GALNTL6: variants seen among roughly 807,000 people sequenced by gnomAD.
GALNTL6 encodes polypeptide N-acetylgalactosaminyltransferase-like 6.
GALNTL6 carries 46 observed loss-of-function variants against 73.7 expected under a neutral mutation model. The ratio of observed to expected loss-of-function variants is 0.62; its 90% CI spans 0.49 to 0.80. The LOEUF is 0.80. Among genes scored for constraint, GALNTL6 ranks in the 30% least tolerant of loss-of-function variants. GALNTL6 has a pLI of 0.00. For synonymous variants in GALNTL6, 259 were observed against 263.7 expected (o/e 0.98, Z 0.17); for missense variants, 604 against 755.0 (o/e 0.80, Z 2.34).
chr4:172,407,095 A>C (rs560188387), intron 5 of GALNTL6, among the ~76,000 whole-genome samples: 1 of 152,194 alleles, frequency 6.6e-6, no homozygotes, highest in Non-Finnish European at 1.5e-5. Flanking sequence ...AGGGTTTCCA[A>C]GATCTTTCAG....
At chr4:172,812,025 G>A (rs200276383) in intron 6 of GALNTL6, among the ~76,000 whole-genome samples, 1 of 150,698 alleles carries the variant, frequency 6.6e-6, no homozygotes, top group Admixed American at 6.6e-5. Flanking sequence ...TGGATGGATG[G>A]ATGGATGGAT....
intron 2 of GALNTL6, among the ~76,000 whole-genome samples, chr4:171,915,834 C>T (rs1036586251): frequency 6.6e-6 from 1 of 152,086 alleles, no homozygotes; most frequent in African/African-American, 2.4e-5. Flanking sequence ...TCAGTTTCTG[C>T]TTTTTCCCAA....
At chr4:172,605,671 G>A (rs1579234479) in intron 5 of GALNTL6, among the ~76,000 whole-genome samples, 1 of 152,208 alleles carries the variant, frequency 6.6e-6, no homozygotes, top group African/African-American at 2.4e-5. Flanking sequence ...GAAAAAGTAT[G>A]CGGTTTGGTA....
At chr4:172,363,359 C>T (rs1355009) in intron 5 of GALNTL6, among the ~76,000 whole-genome samples, 122,588 of 152,156 alleles carry the variant, frequency 0.81, 50,325 homozygotes, top group Non-Finnish European at 0.88. Flanking sequence ...CGTCAGGCTA[C>T]GCCATTTACT....
intron 5 of GALNTL6, among the ~76,000 whole-genome samples, chr4:172,806,750 ATAT>A (rs755005075): frequency 1.3e-5 from 2 of 152,174 alleles, no homozygotes; most frequent in Non-Finnish European, 2.9e-5. Context: ...GGCCTAACAA[ATAT>A]TGATGATCTG....
chr4:172,410,297 A>C (rs1744384142), intron 5 of GALNTL6, among the ~76,000 whole-genome samples: 1 of 152,070 alleles, frequency 6.6e-6, no homozygotes, highest in South Asian at 2.1e-4. Flanking sequence ...TATGCAGTTC[A>C]GCAATATTAA....
At chr4:172,687,290 C>T (rs1413156746) in intron 5 of GALNTL6, among the ~76,000 whole-genome samples, 2 of 151,878 alleles carry the variant, frequency 1.3e-5, no homozygotes, top group African/African-American at 2.4e-5. Flanking sequence ...TAAAAATGTG[C>T]GGGAGTGGGT....
At chr4:172,610,342 A>G (rs1035229871) in intron 5 of GALNTL6, among the ~76,000 whole-genome samples, 3 of 152,096 alleles carry the variant, frequency 2.0e-5, no homozygotes, top group African/African-American at 4.8e-5. Flanking sequence ...ACTTAGTGCT[A>G]TAAACTTTTC....
At chr4:172,128,979 T>G (rs1158202677) in intron 2 of GALNTL6, among the ~76,000 whole-genome samples, 2 of 152,224 alleles carry the variant, frequency 1.3e-5, no homozygotes, top group Non-Finnish European at 2.9e-5. Flanking sequence ...TCTAGTTATT[T>G]CCTTTTAGAA....
At chr4:172,161,437 A>C (rs1579198723) in intron 2 of GALNTL6, among the ~76,000 whole-genome samples, 1 of 151,872 alleles carries the variant, frequency 6.6e-6, no homozygotes, top group Non-Finnish European at 1.5e-5. Flanking sequence ...GTTTTAGTGG[A>C]GGAAAGAAAG....
At chr4:172,216,207 T>A (rs1318221697) in intron 2 of GALNTL6, among the ~76,000 whole-genome samples, 2 of 152,270 alleles carry the variant, frequency 1.3e-5, no homozygotes, top group East Asian at 3.9e-4. Context: ...TCTTTTAACA[T>A]TTATTGTTGG....
In GALNTL6 at chr4:172,153,596, A is replaced by G. The variant is rs576640751; in HGVS notation, c.139-76060A>G. 2.0e-5 allele frequency among the ~76,000 whole-genome samples: 3 copies of G among 152,328 alleles called. No homozygotes were observed. In the East Asian group the frequency reaches 5.8e-4, roughly 29 times the overall value. ...ACATAAAAACTATTATTAAGATCTAATTTAGAATGATGTGTTTACTCTGAA... is the reference window on the plus strand; with the variant it reads ...ACATAAAAACTATTATTAAGATCTAGTTTAGAATGATGTGTTTACTCTGAA... On this transcript the variant is annotated intron_variant, in intron 2 of 12. Transcript: ENST00000506823.
chr4:172,316,397 T>G (rs1446044773), intron 4 of GALNTL6, among the ~76,000 whole-genome samples: 1 of 152,228 alleles, frequency 6.6e-6, no homozygotes, highest in Non-Finnish European at 1.5e-5. Flanking sequence ...AAAATTAATA[T>G]AGTCTCACTT....
intron 2 of GALNTL6, among the ~76,000 whole-genome samples, chr4:172,132,071 C>A (rs916596459): frequency 2.0e-5 from 3 of 151,870 alleles, no homozygotes; most frequent in Non-Finnish European, 4.4e-5. Context: ...GAGAATAACT[C>A]AAAAATCTTG....
In GALNTL6 at chr4:173,009,334, C is replaced by A. The variant is rs148633634; in HGVS notation, c.1488+40C>A. ...AGAAGCCAGGGCAGTGGGAACCAGT[C>A]GGGGGCTGATGCAGACACAGAGGGA... On this transcript the variant is annotated intron_variant, in intron 11 of 12. Coordinates refer to ENST00000506823, the MANE Select transcript of GALNTL6 (RefSeq NM_001034845.3). The A allele has an allele frequency of 5.0e-5, 58 of 1,158,118 alleles. No homozygotes were observed. In the East Asian group the frequency reaches 1.3e-3, roughly 25 times the overall value. The allele number at this position is 1,158,118 out of a possible 1,614,324, so 71.7% of individuals were successfully genotyped here. A position where few individuals can be genotyped will look rare whatever the true frequency, so the allele number is the denominator to read the frequency against.
chr4:172,109,311 T>C (rs141996175), intron 2 of GALNTL6, among the ~76,000 whole-genome samples: 1 of 152,298 alleles, frequency 6.6e-6, no homozygotes, highest in African/African-American at 2.4e-5. Flanking sequence ...GCAAGTATTG[T>C]AATTGAAATG....
chr4:172,348,458 A>G, intron 4 of GALNTL6, 65 bp from the exon 5 acceptor site: 2 of 1,295,222 alleles, frequency 1.5e-6, no homozygotes, highest in South Asian at 2.7e-5. Context: ...TAATGAATAA[A>G]CAACAGAATA....
chr4:172,258,817 G>A (rs1275681339), intron 3 of GALNTL6, among the ~76,000 whole-genome samples: 1 of 151,006 alleles, frequency 6.6e-6, no homozygotes, highest in African/African-American at 2.4e-5. Flanking sequence ...TAATAACTTA[G>A]CTCTCACTTA....
intron 5 of GALNTL6, among the ~76,000 whole-genome samples, chr4:172,369,667 G>A (rs1335712890): frequency 4.6e-5 from 7 of 152,136 alleles, no homozygotes; most frequent in African/African-American, 1.2e-4. Context: ...TGGGCAGGCC[G>A]GCAGTGCTGG....
Sources: allele counts gnomAD v4.1 joint callset (sites outside exome capture counted in the v4.1 genomes callset), GRCh38; gene constraint gnomAD v4.1.1; transcripts MANE v1.5; gene names NCBI Gene and HGNC (gene_info 2026-07-23, HGNC 2026-07-21).